Variants in EDIL3 observed in about 807,000 individuals in gnomAD.
EDIL3 encodes the protein EGF-like repeat and discoidin I-like domain-containing protein 3.
In EDIL3, 37 loss-of-function variants were observed where a neutral mutation model predicts 67.4. That is an observed-to-expected ratio of 0.55 (90% CI 0.42 to 0.72). The LOEUF (loss-of-function observed/expected upper bound fraction) is 0.72. EDIL3 is among the 30% of genes least tolerant of loss of function. The pLI, the probability that EDIL3 is intolerant of heterozygous loss-of-function variation, is 0.00. For synonymous variants in EDIL3, 195 were observed against 196.3 expected, an observed-to-expected ratio of 0.99 and a Z score of 0.05; for missense variants, 527 against 586.3, an observed-to-expected ratio of 0.90 and a Z score of 1.04.
intron 9 of EDIL3, among the ~76,000 whole-genome samples, chr5:84,036,422 CT>C (rs1230121304): frequency 1.3e-5 from 2 of 152,208 alleles, no homozygotes; most frequent in Non-Finnish European, 2.9e-5. Flanking sequence ...ATCCTTTTCA[CT>C]TTGAAAATAA....
In EDIL3 at chr5:84,051,212, C is replaced by G. The variant is rs1400055637; in HGVS notation, c.1137+9088G>C. The stretch of plus-strand genomic sequence containing the variant: ...ATACCCAGGCAAACAGGGTCTGGAG[C>G]AGACCTCCAGCAAACTCCAACAGAC... On this transcript the variant is annotated intron_variant, in intron 9 of 10. Coordinates refer to ENST00000296591, the MANE Select transcript of EDIL3 (RefSeq NM_005711.5). Among the ~76,000 whole-genome samples, 3 of 152,186 alleles carry G rather than the reference C, an allele frequency of 2.0e-5. No individual in the cohort carries two copies. The South Asian group carries it at 6.2e-4, about 32-fold the overall frequency.
intron 9 of EDIL3, among the ~76,000 whole-genome samples, chr5:83,992,884 T>C (rs932093011): frequency 6.6e-6 from 1 of 151,820 alleles, no homozygotes. Flanking sequence ...TTTTTAAATC[T>C]TTTTATTAAT....
At chr5:84,126,969 T>C (rs1198149278) in intron 5 of EDIL3, among the ~76,000 whole-genome samples, 2 of 152,096 alleles carry the variant, frequency 1.3e-5, no homozygotes, top group African/African-American at 2.4e-5. Flanking sequence ...GCAACACTTA[T>C]ATACCAAATT....
chr5:84,374,082 GGGAAAGAAAGTGTTATGTGCTAAT>G (rs1411791400), intron 1 of EDIL3, among the ~76,000 whole-genome samples: 1 of 152,076 alleles, frequency 6.6e-6, no homozygotes, highest in Non-Finnish European at 1.5e-5. Flanking sequence ...GGCTCCAAAG[GGGAAAGAAAGTGTTATGTGCTAAT>G]GGAAAGAAAG....
intron 1 of EDIL3, among the ~76,000 whole-genome samples, chr5:84,255,943 T>C (rs1469269703): frequency 6.6e-6 from 1 of 152,198 alleles, no homozygotes; most frequent in African/African-American, 2.4e-5. Context: ...GCCATTGTAA[T>C]TTTTAAGATA....
chr5:84,100,482 C>T (rs555651379), intron 6 of EDIL3, among the ~76,000 whole-genome samples: 2 of 152,114 alleles, frequency 1.3e-5, no homozygotes, highest in East Asian at 3.9e-4. Context: ...GAAAAGAAAA[C>T]CAAACACCAC....
At chr5:83,961,176 C>A (rs1036602454) in intron 10 of EDIL3, among the ~76,000 whole-genome samples, 2 of 150,924 alleles carry the variant, frequency 1.3e-5, no homozygotes, top group African/African-American at 4.8e-5. Flanking sequence ...ATCAAAAGGA[C>A]ATTAAAAATC....
intron 5 of EDIL3, among the ~76,000 whole-genome samples, chr5:84,121,303 AGTT>A (rs1747769797): frequency 1.3e-5 from 2 of 151,994 alleles, no homozygotes; most frequent in Non-Finnish European, 2.9e-5. Context: ...TTTTAAGTGA[AGTT>A]GTGAATAAAT....
At chr5:83,985,611 G>A (rs1745045809) in intron 9 of EDIL3, among the ~76,000 whole-genome samples, 1 of 151,932 alleles carries the variant, frequency 6.6e-6, no homozygotes, top group South Asian at 2.1e-4. Context: ...TGGGTACAAA[G>A]AAGAAAAATT....
intron 9 of EDIL3, among the ~76,000 whole-genome samples, chr5:84,034,051 G>C (rs913992625): frequency 6.6e-6 from 1 of 152,106 alleles, no homozygotes; most frequent in African/African-American, 2.4e-5. Flanking sequence ...TCTGTGTGTA[G>C]CTACTGCATG....
intron 3 of EDIL3, among the ~76,000 whole-genome samples, chr5:84,197,205 A>G (rs1308470443): frequency 1.3e-5 from 2 of 152,018 alleles, no homozygotes; most frequent in African/African-American, 2.4e-5. Context: ...ATAGACAAAT[A>G]AATAGGCAAC....
intron 9 of EDIL3, among the ~76,000 whole-genome samples, chr5:84,019,097 T>A (rs1745662228): frequency 6.6e-6 from 1 of 152,146 alleles, no homozygotes; most frequent in African/African-American, 2.4e-5. Flanking sequence ...CATGCACACA[T>A]ATGTTTATTG....
At chr5:84,184,931 C>T (rs1580366409) in intron 3 of EDIL3, among the ~76,000 whole-genome samples, 1 of 152,222 alleles carries the variant, frequency 6.6e-6, no homozygotes, top group Middle Eastern at 3.4e-3. Flanking sequence ...TTTTCCTACT[C>T]CAAGAAATTC....
intron 1 of EDIL3, among the ~76,000 whole-genome samples, chr5:84,303,334 C>T (rs752232808): frequency 1.3e-5 from 2 of 152,166 alleles, no homozygotes; most frequent in South Asian, 2.1e-4. Flanking sequence ...ACTAGAGAAC[C>T]GAGAGCTACC....
intron 5 of EDIL3, among the ~76,000 whole-genome samples, chr5:84,114,148 G>GC: frequency 9.1e-6 from 1 of 109,840 alleles, no homozygotes; most frequent in Non-Finnish European, 1.8e-5. Context: ...GAACCCTAAA[G>GC]TTTTTTTTTT....
In EDIL3 at chr5:84,003,909, C is replaced by T. The variant is rs114158907; in HGVS notation, c.1138-40549G>A. Among the ~76,000 whole-genome samples, 1,156 of 151,640 alleles carry T rather than the reference C, an allele frequency of 7.6e-3. 14 individuals are homozygous for T. Among genetic ancestry groups the T allele is most frequent in the African/African-American group, 0.027 (1,098 of 41,316 alleles). The stretch of plus-strand genomic sequence containing the variant: ...GGATAAAGGCGAGGACCCAAATGTA[C>T]GCTGTCTTCAAGAGATCCATCTCAC... On this transcript the variant is annotated intron_variant, in intron 9 of 10. Coordinates refer to ENST00000296591, the MANE Select transcript of EDIL3 (RefSeq NM_005711.5).
At chr5:84,378,418 C>T (rs1748012761) in intron 1 of EDIL3, among the ~76,000 whole-genome samples, 1 of 152,110 alleles carries the variant, frequency 6.6e-6, no homozygotes, top group Non-Finnish European at 1.5e-5. Context: ...GTTTTTTGTA[C>T]TGCAAAGTAT....
intron 9 of EDIL3, among the ~76,000 whole-genome samples, chr5:84,024,797 T>C (rs370707300): frequency 7.3e-4 from 70 of 95,590 alleles, no homozygotes; most frequent in African/African-American, 2.0e-3. Flanking sequence ...ACACAACTTC[T>C]TTCTATTTTT....
At chr5:84,033,829 C>G (rs1168482404) in intron 9 of EDIL3, among the ~76,000 whole-genome samples, 1 of 151,658 alleles carries the variant, frequency 6.6e-6, no homozygotes, top group Non-Finnish European at 1.5e-5. Context: ...CTGATAGTTA[C>G]ACTCTGTGGG....
Sources: allele counts gnomAD v4.1 joint callset (sites outside exome capture counted in the v4.1 genomes callset), GRCh38; gene constraint gnomAD v4.1.1; transcripts MANE v1.5; gene names NCBI Gene and HGNC (gene_info 2026-07-23, HGNC 2026-07-21).